Variants in BACH2 observed in about 807,000 individuals in gnomAD.
BACH2 encodes transcription regulator protein BACH2.
A neutral mutation model predicts 61.8 loss-of-function variants in BACH2; 5 were observed. The ratio of observed to expected loss-of-function variants is 0.08; its 90% CI spans 0.04 to 0.17. BACH2 has a LOEUF of 0.17. Among genes scored for constraint, BACH2 ranks in the 10% least tolerant of loss-of-function variants. The pLI is 1.00. For missense variants in BACH2, 824 were observed against 1,091.1 expected, an observed-to-expected ratio of 0.76 and a Z score of 3.45; for synonymous variants, 446 against 440.1, an observed-to-expected ratio of 1.01 and a Z score of -0.17.
At chr6:89,996,729 C>T (rs1562355448) in intron 6 of BACH2, among the ~76,000 whole-genome samples, 1 of 152,158 alleles carries the variant, frequency 6.6e-6, no homozygotes. Context: ...TCCTGTCCTT[C>T]CCTCCACCTG....
At chr6:90,093,992 C>A (rs771127215) in intron 4 of BACH2, among the ~76,000 whole-genome samples, 1 of 152,178 alleles carries the variant, frequency 6.6e-6, no homozygotes, top group African/African-American at 2.4e-5. Flanking sequence ...TGAATGGTTA[C>A]TATTCATTCT....
At chr6:90,256,706 T>C (rs950744670) in intron 2 of BACH2, among the ~76,000 whole-genome samples, 2 of 152,230 alleles carry the variant, frequency 1.3e-5, no homozygotes, top group Non-Finnish European at 2.9e-5. Flanking sequence ...AAGGTTACTG[T>C]AGTGAAGCAA....
chr6:90,194,810 G>A (rs1250058277), intron 4 of BACH2, among the ~76,000 whole-genome samples: 1 of 152,174 alleles, frequency 6.6e-6, no homozygotes, highest in Non-Finnish European at 1.5e-5. Flanking sequence ...TTCCTGAACT[G>A]GCTATTGTTC....
intron 6 of BACH2, among the ~76,000 whole-genome samples, chr6:89,993,354 C>T (rs1697061659): frequency 6.6e-6 from 1 of 152,016 alleles, no homozygotes; most frequent in South Asian, 2.1e-4. Flanking sequence ...GAGAGGCATA[C>T]CCCTTAAAAG....
chr6:90,189,344 C>T (rs1386432067), intron 4 of BACH2, among the ~76,000 whole-genome samples: 2 of 151,770 alleles, frequency 1.3e-5, no homozygotes, highest in Non-Finnish European at 2.9e-5. Flanking sequence ...CGCGGTGGCT[C>T]ACGCCTGTAA....
At chr6:90,242,277 C>T (rs1309106405) in intron 3 of BACH2, among the ~76,000 whole-genome samples, 2 of 152,208 alleles carry the variant, frequency 1.3e-5, no homozygotes, top group African/African-American at 4.8e-5. Flanking sequence ...CTAGCAACCA[C>T]TGATCTTTTT....
At chr6:90,137,888 G>A (rs184243975) in intron 4 of BACH2, among the ~76,000 whole-genome samples, 1 of 152,278 alleles carries the variant, frequency 6.6e-6, no homozygotes, top group African/African-American at 2.4e-5. Context: ...TGGATGAAGT[G>A]AGTGGGACTA....
intron 1 of BACH2, among the ~76,000 whole-genome samples, chr6:90,277,256 A>G (rs1399082317): frequency 6.6e-6 from 1 of 152,238 alleles, no homozygotes; most frequent in Non-Finnish European, 1.5e-5. Context: ...ATACAAATTA[A>G]TAAATAGTGG....
At chr6:90,292,035 C>A (rs1772196504) in intron 1 of BACH2, among the ~76,000 whole-genome samples, 1 of 152,178 alleles carries the variant, frequency 6.6e-6, no homozygotes, top group Non-Finnish European at 1.5e-5. Flanking sequence ...AAATATGTTA[C>A]ATTTTATATT....
rs41273339 is a variant in BACH2, at chr6:89,951,917, G to A, written c.244-55C>T. The A allele has an allele frequency of 3.2e-6, 5 of 1,564,270 alleles. No homozygotes were observed. The highest frequency in any genetic ancestry group is 3.5e-6 in the Non-Finnish European group (4 of 1,149,970). On this transcript the variant is annotated intron_variant, in intron 6 of 8. Transcript: ENST00000257749. The surrounding 1 kb of genome is among the most constrained non-coding windows in gnomAD (Gnocchi z 6.4). The stretch of plus-strand genomic sequence containing the variant: ...TTACCATCAGCACTGCTATTGTCCC[G>A]AATCCCTCAACTGAAGCAAGATAAC...
chr6:90,282,013 G>A (rs1008356214), intron 1 of BACH2, among the ~76,000 whole-genome samples: 3 of 151,916 alleles, frequency 2.0e-5, no homozygotes, highest in African/African-American at 7.3e-5. Flanking sequence ...GGTTATACTA[G>A]TTGATTTTTC....
chr6:90,052,769 T>G (rs1780114295), intron 5 of BACH2, among the ~76,000 whole-genome samples: 1 of 152,240 alleles, frequency 6.6e-6, no homozygotes, highest in Non-Finnish European at 1.5e-5. Flanking sequence ...AGCTCCTTTT[T>G]GATTGGTATT....
chr6:90,201,008 T>C (rs1768939073), intron 4 of BACH2, among the ~76,000 whole-genome samples: 2 of 152,230 alleles, frequency 1.3e-5, no homozygotes, highest in Admixed American at 6.5e-5. Flanking sequence ...AGACTGCACA[T>C]GCTGTTATAT....
intron 4 of BACH2, among the ~76,000 whole-genome samples, chr6:90,174,062 T>C (rs1767909506): frequency 1.3e-5 from 2 of 152,124 alleles, no homozygotes. Context: ...TGGGAAGATA[T>C]AATATGTTCC....
At chr6:90,217,904 T>G (rs974962696) in intron 3 of BACH2, 1 of 152,100 alleles carries the variant, frequency 6.6e-6, no homozygotes, top group Admixed American at 6.6e-5. Context: ...AAATAATACC[T>G]TACTTGGCAT....
intron 5 of BACH2, among the ~76,000 whole-genome samples, chr6:90,081,755 TC>T (rs1289682978): frequency 6.6e-6 from 1 of 152,134 alleles, no homozygotes; most frequent in Non-Finnish European, 1.5e-5. Flanking sequence ...ACTAAATACT[TC>T]CTATTCTACG....
At chr6:90,037,165 C>A (rs146439324) in intron 5 of BACH2, among the ~76,000 whole-genome samples, 37 of 152,262 alleles carry the variant, frequency 2.4e-4, no homozygotes, top group Middle Eastern at 3.4e-3. Flanking sequence ...CCACACCCTG[C>A]GGCTGTTACT....
chr6:90,238,096 C>T (rs1479105224), intron 3 of BACH2, among the ~76,000 whole-genome samples: 1 of 152,218 alleles, frequency 6.6e-6, no homozygotes, highest in Non-Finnish European at 1.5e-5. Flanking sequence ...AAACAATAGG[C>T]TTGTCCCTTA....
intron 4 of BACH2, among the ~76,000 whole-genome samples, chr6:90,118,153 A>G (rs1041626408): frequency 1.3e-5 from 2 of 152,240 alleles, no homozygotes; most frequent in African/African-American, 4.8e-5. Context: ...TAAGCTTTAA[A>G]GCAAAGCCGT....
Sources: allele counts gnomAD v4.1 joint callset (sites outside exome capture counted in the v4.1 genomes callset), GRCh38; gene constraint gnomAD v4.1.1; non-coding constraint Gnocchi (gnomAD v3.1); transcripts MANE v1.5; gene names NCBI Gene and HGNC (gene_info 2026-07-23, HGNC 2026-07-21).